The following CXADR variants were observed in gnomAD, a reference collection of about 807,000 sequenced individuals.
CXADR encodes the protein coxsackievirus and adenovirus receptor.
In CXADR, 20 loss-of-function variants were observed where a neutral mutation model predicts 40.3. The observed-to-expected ratio is 0.50, with a 90% CI of 0.35 to 0.72. The LOEUF is 0.72. CXADR is among the 30% of genes least tolerant of loss of function. The pLI is 0.01. For synonymous variants in CXADR, 150 were observed against 161.3 expected (o/e 0.93, Z 0.53); for missense variants, 332 against 449.1 (o/e 0.74, Z 2.36).
chr21:17,629,027 C>G, the CXADR span, among the ~76,000 whole-genome samples: 1 of 152,108 alleles, frequency 6.6e-6, no homozygotes, highest in African/African-American at 2.4e-5. Context: ...GTTGGGCATC[C>G]TATGGCCAGT....
chr21:17,571,937 C>T (rs550474172), downstream of CXADR, among the ~76,000 whole-genome samples: 1 of 152,288 alleles, frequency 6.6e-6, no homozygotes, highest in African/African-American at 2.4e-5. Flanking sequence ...CTGCCTAAGT[C>T]TATGACTTCC....
At chr21:17,600,663 A>T in the CXADR span, among the ~76,000 whole-genome samples, 2 of 152,022 alleles carry the variant, frequency 1.3e-5, no homozygotes, top group African/African-American at 4.8e-5. Context: ...TCTCAAAAAA[A>T]CAAAAAAACA....
chr21:17,591,965 T>C (rs189131274), intron 7 of CXADR, among the ~76,000 whole-genome samples: 1 of 152,086 alleles, frequency 6.6e-6, no homozygotes, highest in African/African-American at 2.4e-5. Flanking sequence ...ATGAGAGCTT[T>C]CTTTTGCTCT....
chr21:17,577,580 A>G (rs184162), intron 7 of CXADR, among the ~76,000 whole-genome samples: 36 of 128,536 alleles, frequency 2.8e-4, no homozygotes, highest in Admixed American at 1.9e-3. Context: ...AAGTGAAACC[A>G]CTTTTTCTCA....
rs2060411364 is a variant in CXADR at position 17,513,122 on chromosome 21, C to T, written c.-8C>T. 4 of 1,356,312 alleles carry T rather than the reference C, an allele frequency of 2.9e-6. No individual in the cohort carries two copies. In the South Asian group the frequency reaches 5.9e-5, roughly 20 times the overall value. The allele number at this position is 1,356,312 out of a possible 1,614,324, so 84.0% of individuals were successfully genotyped here. A position where few individuals can be genotyped will look rare whatever the true frequency, so the allele number is the denominator to read the frequency against. Reference sequence around the variant, plus strand: ...CCTGCAGCCGCCGCCCACGGCACGGCAGCCACCATGGCGCTCCTGCTGTGC... The same window carrying T: ...CCTGCAGCCGCCGCCCACGGCACGGTAGCCACCATGGCGCTCCTGCTGTGC... On this transcript the variant is annotated 5_prime_UTR_variant, in exon 1 of 7. Transcript: ENST00000284878.
At chr21:17,593,250 TAG>T in exon 8 of CXADR, 1 of 1,259,438 alleles carries the variant, frequency 7.9e-7, no homozygotes. Context: ...TTTAGGCCTC[TAG>T]TAAAGACTTA....
chr21:17,539,111 T>C (rs1390815816), intron 1 of CXADR, among the ~76,000 whole-genome samples: 2 of 152,212 alleles, frequency 1.3e-5, no homozygotes, highest in African/African-American at 4.8e-5. Context: ...TGTGATCTTA[T>C]GCAGGGATTG....
intron 2 of CXADR, among the ~76,000 whole-genome samples, chr21:17,550,622 G>A (rs906348749): frequency 2.6e-5 from 4 of 152,082 alleles, no homozygotes; most frequent in Admixed American, 6.5e-5. Context: ...CATGGGTCTC[G>A]TATAACCAGA....
At chr21:17,619,555 C>G in the CXADR span, among the ~76,000 whole-genome samples, 1 of 150,984 alleles carries the variant, frequency 6.6e-6, no homozygotes, top group African/African-American at 2.4e-5. Flanking sequence ...TGCCATTGTA[C>G]TCCAGTCTGG....
chr21:17,563,668 A>G (rs2737866), intron 6 of CXADR, among the ~76,000 whole-genome samples: 72,256 of 151,700 alleles, frequency 0.48, 20,759 homozygotes, highest in Non-Finnish European at 0.63. Context: ...GTGGCCGGGC[A>G]CGGTGGCTCA....
chr21:17,561,565 A>G (rs1196940080), intron 6 of CXADR, 89 bp downstream of exon 6: 3 of 1,163,218 alleles, frequency 2.6e-6, no homozygotes, highest in East Asian at 2.7e-5. Flanking sequence ...CACCCAAAGC[A>G]TCTTTCTTAG....
the CXADR span, among the ~76,000 whole-genome samples, chr21:17,628,056 C>T: frequency 0.012 from 1,867 of 152,152 alleles, 24 homozygotes; most frequent in Non-Finnish European, 0.021. Flanking sequence ...TGTGCACAAA[C>T]AAATCAATAC....
chr21:17,603,310 C>G, the CXADR span, among the ~76,000 whole-genome samples: 1 of 152,130 alleles, frequency 6.6e-6, no homozygotes, highest in Non-Finnish European at 1.5e-5. Flanking sequence ...TTTATTTTCT[C>G]AGACCTAAAT....
At chr21:17,553,736 C>T (rs2060999949) in intron 3 of CXADR, among the ~76,000 whole-genome samples, 1 of 151,050 alleles carries the variant, frequency 6.6e-6, no homozygotes, top group African/African-American at 2.4e-5. Context: ...ATACTCTTGT[C>T]TTGCCGTCCT....
chr21:17,588,113 A>G (rs867697269), intron 7 of CXADR, among the ~76,000 whole-genome samples: 2 of 152,204 alleles, frequency 1.3e-5, no homozygotes, highest in Non-Finnish European at 2.9e-5. Context: ...TGGCACCAAT[A>G]CCATGCTGTT....
At chr21:17,559,204 T>C (rs2061074754) in intron 4 of CXADR, 73 bp downstream of exon 4, 1 of 1,499,860 alleles carries the variant, frequency 6.7e-7, no homozygotes, top group African/African-American at 1.4e-5. Flanking sequence ...GTGTGTGTGA[T>C]TTGAGATAGG....
chr21:17,594,681 G>A (rs943220199), downstream of CXADR, among the ~76,000 whole-genome samples: 7 of 152,034 alleles, frequency 4.6e-5, no homozygotes, highest in Non-Finnish European at 7.4e-5. Context: ...GGAGTCACTT[G>A]GAGGCTTTTA....
chr21:17,622,997 C>T, the CXADR span, among the ~76,000 whole-genome samples: 1 of 151,910 alleles, frequency 6.6e-6, no homozygotes, highest in Non-Finnish European at 1.5e-5. Context: ...TAAGTGATGA[C>T]TCTTTTTTTT....
intron 7 of CXADR, among the ~76,000 whole-genome samples, chr21:17,581,684 A>T (rs1214049642): frequency 6.6e-6 from 1 of 151,930 alleles, no homozygotes; most frequent in Non-Finnish European, 1.5e-5. Context: ...TATCTCCACA[A>T]AAAATAAAAA....
Sources: gnomAD v4.1 joint callset for allele counts (sites outside exome capture counted in the v4.1 genomes callset) on GRCh38, gnomAD v4.1.1 for gene constraint, MANE v1.5 for transcripts, NCBI Gene and HGNC (gene_info 2026-07-23, HGNC 2026-07-21) for gene names.